The following FMN1 variants were observed in gnomAD, a reference collection of about 807,000 sequenced individuals.
The protein encoded by FMN1 is formin-1.
In FMN1, 110 loss-of-function variants were observed where a neutral mutation model predicts 132.4. The observed-to-expected ratio is 0.83, with a 90% CI of 0.71 to 0.97. FMN1 has a LOEUF of 0.97. FMN1 is among the 50% of genes least tolerant of loss of function. The pLI is 0.00. For synonymous variants in FMN1, 722 were observed against 651.7 expected (o/e 1.11, Z -1.64); for missense variants, 1,792 against 1,705.3 (o/e 1.05, Z -0.90).
intron 4 of FMN1, among the ~76,000 whole-genome samples, chr15:33,127,723 G>A (rs1450717390): frequency 1.3e-5 from 2 of 152,160 alleles, no homozygotes; most frequent in African/African-American, 4.8e-5. Flanking sequence ...GTGGTTTCAG[G>A]CAGGTTATAT....
intron 17 of FMN1, among the ~76,000 whole-genome samples, chr15:32,819,622 G>C (rs1475945896): frequency 6.6e-6 from 1 of 152,012 alleles, no homozygotes; most frequent in East Asian, 1.9e-4. Context: ...TGCTAGCTTT[G>C]TTCCTTCCCA....
intron 4 of FMN1, among the ~76,000 whole-genome samples, chr15:33,113,658 T>C (rs2039799895): frequency 6.6e-6 from 1 of 152,080 alleles, no homozygotes; most frequent in African/African-American, 2.4e-5. Context: ...ATTTAAATAG[T>C]ACCACCACCC....
intron 9 of FMN1, among the ~76,000 whole-genome samples, chr15:32,932,744 G>A (rs2061152019): frequency 6.6e-6 from 1 of 152,034 alleles, no homozygotes; most frequent in African/African-American, 2.4e-5. Flanking sequence ...ACATTTCTAG[G>A]AATTGATCTA....
chr15:33,108,132 G>GGT (rs903803986), intron 4 of FMN1, among the ~76,000 whole-genome samples: 18 of 151,984 alleles, frequency 1.2e-4, no homozygotes, highest in Non-Finnish European at 2.4e-4. Flanking sequence ...ATGGTGGTGG[G>GGT]GTGTGTGTGT....
chr15:32,963,492 TAATA>T (rs946865617), intron 9 of FMN1, among the ~76,000 whole-genome samples: 11 of 151,460 alleles, frequency 7.3e-5, no homozygotes, highest in Admixed American at 3.9e-4. Context: ...ACTTAAAGTA[TAATA>T]AATAAATAAG....
chr15:33,040,225 A>G (rs1194411354), intron 6 of FMN1, among the ~76,000 whole-genome samples: 2 of 152,184 alleles, frequency 1.3e-5, no homozygotes, highest in Admixed American at 6.5e-5. Flanking sequence ...TGTCTCCCCA[A>G]GTCAGCTCCG....
chr15:33,144,244 G>A (rs758008764), intron 4 of FMN1, among the ~76,000 whole-genome samples: 4 of 152,080 alleles, frequency 2.6e-5, no homozygotes, highest in Admixed American at 6.5e-5. Context: ...AAAGGCTACC[G>A]AGTGAGCCAG....
intron 17 of FMN1, among the ~76,000 whole-genome samples, chr15:32,838,025 C>T (rs909733944): frequency 6.6e-6 from 1 of 152,030 alleles, no homozygotes; most frequent in Admixed American, 6.6e-5. Flanking sequence ...TTTTAGGAGG[C>T]TGAGGTGGAG....
At chr15:32,792,414 C>T (rs2057117003) in intron 19 of FMN1, among the ~76,000 whole-genome samples, 1 of 151,626 alleles carries the variant, frequency 6.6e-6, no homozygotes, top group African/African-American at 2.4e-5. Flanking sequence ...CACTGCACTC[C>T]AGCCTGGGCG....
chr15:32,913,546 C>T (rs1389896910), intron 10 of FMN1, among the ~76,000 whole-genome samples: 2 of 152,138 alleles, frequency 1.3e-5, no homozygotes, highest in Non-Finnish European at 2.9e-5. Context: ...CATGCCATGG[C>T]TTCCTCCCTT....
At chr15:32,782,395 T>C (rs1297591845) in intron 19 of FMN1, among the ~76,000 whole-genome samples, 1 of 152,218 alleles carries the variant, frequency 6.6e-6, no homozygotes, top group Non-Finnish European at 1.5e-5. Context: ...GAAAAAACTA[T>C]AAAAACATTT....
chr15:33,123,975 C>G lies in FMN1; in HGVS notation c.1867+29073G>C, dbSNP rs1962810395. On this transcript the variant is annotated intron_variant, in intron 4 of 20. Transcript: ENST00000616417. ...TTACAACTTCACAATTAGATTCTTC[C>G]AGCTCAGTAACCATAGCTACTAAGA... Among the ~76,000 whole-genome samples the G allele has an allele frequency of 2.0e-5, 3 of 152,318 alleles. No individual in the cohort carries two copies. The South Asian group carries it at 6.2e-4, about 32-fold the overall frequency.
intron 6 of FMN1, among the ~76,000 whole-genome samples, chr15:33,015,705 T>TTA (rs746445379): frequency 6.7e-6 from 1 of 150,126 alleles, no homozygotes; most frequent in Non-Finnish European, 1.5e-5. Context: ...ATATGTGACT[T>TTA]AAAAAAAAAA....
chr15:33,104,075 G>C (rs115209532), intron 4 of FMN1, among the ~76,000 whole-genome samples: 1 of 152,038 alleles, frequency 6.6e-6, no homozygotes, highest in African/African-American at 2.4e-5. Flanking sequence ...ATAAAATTGA[G>C]TTCATCATAT....
chr15:32,897,933 A>C (rs1028067134), intron 15 of FMN1, among the ~76,000 whole-genome samples: 3 of 152,156 alleles, frequency 2.0e-5, no homozygotes, highest in African/African-American at 7.2e-5. Context: ...ATAGCCAAAA[A>C]CTATCAAAAA....
rs1024064359 is a variant in FMN1, at chr15:32,812,872, T to C, written c.3929-8540A>G. ...GTGTCATGTATTCATTTATATTCTC[T>C]GGTGACTGTAATAATAATTTGTATA... On this transcript the variant is annotated intron_variant, in intron 17 of 20. Coordinates refer to ENST00000616417, the MANE Select transcript of FMN1 (RefSeq NM_001277313.2). 1.3e-5 allele frequency among the ~76,000 whole-genome samples: 2 copies of C among 152,228 alleles called. 1 individual carries two copies. Among genetic ancestry groups the C allele is most frequent in the South Asian group, 4.1e-4 (2 of 4,828 alleles).
intron 4 of FMN1, among the ~76,000 whole-genome samples, chr15:33,117,935 G>A (rs551460873): frequency 6.6e-6 from 1 of 152,090 alleles, no homozygotes; most frequent in South Asian, 2.1e-4. Context: ...GTGGCAGTAC[G>A]GAAGAGAAAT....
chr15:32,848,907 A>C (rs1053195346), intron 17 of FMN1, among the ~76,000 whole-genome samples: 1 of 151,906 alleles, frequency 6.6e-6, no homozygotes, highest in African/African-American at 2.4e-5. Context: ...ACTAACTAGC[A>C]GAACAGGCAA....
At chr15:32,985,939 G>A (rs993049758) in intron 7 of FMN1, among the ~76,000 whole-genome samples, 1 of 152,000 alleles carries the variant, frequency 6.6e-6, no homozygotes, top group Admixed American at 6.6e-5. Flanking sequence ...TAACATTAAG[G>A]GGCCAATGCA....
Sources: allele counts gnomAD v4.1 joint callset (sites outside exome capture counted in the v4.1 genomes callset), GRCh38; gene constraint gnomAD v4.1.1; transcripts MANE v1.5; gene names NCBI Gene and HGNC (gene_info 2026-07-23, HGNC 2026-07-21).